The following LNX1 variants were observed in gnomAD, a reference collection of about 807,000 sequenced individuals.
LNX1 encodes the protein ligand of numb-protein X 1.
Under a neutral mutation model 68.4 loss-of-function variants are expected in LNX1, and 54 were observed. The observed-to-expected ratio is 0.79, with a 90% CI of 0.63 to 0.99. The LOEUF (loss-of-function observed/expected upper bound fraction) is 0.99, where lower values mean the gene tolerates loss of function less well. LNX1 is among the 50% of genes least tolerant of loss of function. LNX1 has a pLI of 0.00. For synonymous variants in LNX1, 336 were observed against 350.0 expected (o/e 0.96, Z 0.45); for missense variants, 906 against 926.4 (o/e 0.98, Z 0.29).
At chr4:53,518,597 T>C (rs1368989453) in intron 2 of LNX1, among the ~76,000 whole-genome samples, 1 of 152,090 alleles carries the variant, frequency 6.6e-6, no homozygotes, top group African/African-American at 2.4e-5. Flanking sequence ...CCTCATATCA[T>C]CCCTATGAGG....
At chr4:53,489,174 A>G (rs1345072178) in intron 6 of LNX1, among the ~76,000 whole-genome samples, 1 of 152,194 alleles carries the variant, frequency 6.6e-6, no homozygotes, top group Non-Finnish European at 1.5e-5. Flanking sequence ...AGCTCCTTCA[A>G]TGAGCTAAAA....
intron 1 of LNX1, among the ~76,000 whole-genome samples, chr4:53,581,996 A>G (rs772788278): frequency 3.0e-4 from 45 of 152,000 alleles, no homozygotes; most frequent in African/African-American, 9.2e-4. Context: ...TCACATTAGG[A>G]TTACTGAATT....
chr4:53,568,286 A>G (rs1376572533), intron 2 of LNX1, among the ~76,000 whole-genome samples: 1 of 151,604 alleles, frequency 6.6e-6, no homozygotes, highest in African/African-American at 2.4e-5. Context: ...CACATCAAAA[A>G]GCTTATCCAC....
chr4:53,570,661 TAATAATAAATA>T (rs976590286), intron 2 of LNX1, among the ~76,000 whole-genome samples: 2 of 99,074 alleles, frequency 2.0e-5, no homozygotes, highest in African/African-American at 7.6e-5. Context: ...ACTTAAAGTA[TAATAATAAATA>T]AATAAATAAA....
chr4:53,570,647 T>G (rs1731084792), intron 2 of LNX1, among the ~76,000 whole-genome samples: 2 of 145,538 alleles, frequency 1.4e-5, no homozygotes, highest in Admixed American at 7.0e-5. Context: ...ACATGTACCC[T>G]AAAACTTAAA....
chr4:53,631,411 T>A (rs1254644263), intron 1 of LNX1, among the ~76,000 whole-genome samples: 9 of 152,202 alleles, frequency 5.9e-5, no homozygotes, highest in Non-Finnish European at 1.3e-4. Flanking sequence ...CCTGAAAATC[T>A]AGTTCCACTT....
Position 53,481,776 on chromosome 4 carries a change from A to T in LNX1, c.1429T>A (p.Trp477Arg), listed in dbSNP as rs1415333973. 21 of 1,613,800 alleles carry T rather than the reference A, an allele frequency of 1.3e-5. No homozygotes were observed. The highest frequency in any genetic ancestry group is 1.8e-5 in the Non-Finnish European group (21 of 1,179,910). The change falls in exon 7 of 11, where the codon TGG becomes AGG. Residue 477 changes from tryptophan (W) to arginine (R), a missense_variant. Trp to Arg is a moderately radical substitution (Grantham distance 101). Coordinates refer to ENST00000263925, the MANE Select transcript of LNX1 (RefSeq NM_001126328.3). ...RSPDIFQEAG[W>R]NSNGSWSPGP... ...GGGGACCAGCTGCCATTGCTGTTCC[A>T]GCCGGCTTCCTGAAAGATGTCAGGG...
chr4:53,622,085 G>T (rs1028413253), upstream of LNX1, among the ~76,000 whole-genome samples: 1 of 152,090 alleles, frequency 6.6e-6, no homozygotes, highest in Admixed American at 6.5e-5. Flanking sequence ...ATTTTTTATA[G>T]GCAAGTTACA....
intron 1 of LNX1, among the ~76,000 whole-genome samples, chr4:53,647,511 A>G (rs1214454530): frequency 6.6e-6 from 1 of 152,018 alleles, no homozygotes; most frequent in African/African-American, 2.4e-5. Flanking sequence ...GTATATATTT[A>G]TTTTCTCAGA....
intron 2 of LNX1, among the ~76,000 whole-genome samples, chr4:53,562,946 C>T (rs1179772957): frequency 1.3e-5 from 2 of 152,212 alleles, no homozygotes; most frequent in Admixed American, 6.5e-5. Context: ...CACAATGGCT[C>T]AAGCCCGTAA....
At chr4:53,637,553 A>G (rs560972392) in intron 1 of LNX1, among the ~76,000 whole-genome samples, 1 of 152,268 alleles carries the variant, frequency 6.6e-6, no homozygotes, top group African/African-American at 2.4e-5. Flanking sequence ...AAGTTGTAGC[A>G]TTGCTCAATC....
chr4:53,507,994 C>T lies in LNX1; in HGVS notation c.614G>A (p.Arg205Gln), dbSNP rs201126543. The T allele has an allele frequency of 6.2e-6, 10 of 1,613,290 alleles. No individual in the cohort carries two copies. In the Admixed American group the frequency reaches 1.5e-4, roughly 24 times the overall value. Reference protein sequence around the residue: ...ISPVDSGRSNRTRARPFERST... With the variant: ...ISPVDSGRSNQTRARPFERST... ...CCACCCATTTGACTCACCCCTAGTT[C>T]GGTTGCTCCGGCCAGAGTCCACTGG... The change falls in exon 3 of 11, where the codon CGA (arginine) becomes CAA (glutamine). Residue 205 changes from arginine (R) to glutamine (Q), a missense_variant. Coordinates refer to ENST00000263925, the MANE Select transcript of LNX1 (RefSeq NM_001126328.3).
chr4:53,532,786 G>A (rs1272951004), intron 2 of LNX1, among the ~76,000 whole-genome samples: 1 of 152,210 alleles, frequency 6.6e-6, no homozygotes, highest in African/African-American at 2.4e-5. Flanking sequence ...TGGGGCAGCA[G>A]GGCGATGGGT....
chr4:53,651,876 A>C (rs1735111041), intron 1 of LNX1, among the ~76,000 whole-genome samples: 1 of 152,204 alleles, frequency 6.6e-6, no homozygotes, highest in Non-Finnish European at 1.5e-5. Context: ...TTCATTTGTG[A>C]AAGTAAAGAA....
At chr4:53,585,393 G>T (rs577378947) in intron 1 of LNX1, among the ~76,000 whole-genome samples, 35 of 152,264 alleles carry the variant, frequency 2.3e-4, no homozygotes, top group African/African-American at 8.4e-4. Flanking sequence ...TCCATAAGTA[G>T]TTGGAAGAGC....
intron 6 of LNX1, among the ~76,000 whole-genome samples, chr4:53,492,423 A>G (rs945660069): frequency 9.2e-5 from 14 of 151,502 alleles, no homozygotes; most frequent in African/African-American, 3.2e-4. Context: ...GAGAGAGAAC[A>G]GGCCACAAGA....
chr4:53,568,301 A>G (rs1219276388), intron 2 of LNX1, among the ~76,000 whole-genome samples: 9 of 151,592 alleles, frequency 5.9e-5, no homozygotes, highest in Non-Finnish European at 1.2e-4. Context: ...ATCCACCATG[A>G]TCAAGTGGGC....
chr4:53,597,294 C>T (rs1225585720), intron 2 of LNX1, among the ~76,000 whole-genome samples: 1 of 152,216 alleles, frequency 6.6e-6, no homozygotes, highest in African/African-American at 2.4e-5. Context: ...CATTCACCCT[C>T]AGCTCCTTTG....
chr4:53,556,656 A>G (rs1396104860), intron 2 of LNX1, among the ~76,000 whole-genome samples: 2 of 152,236 alleles, frequency 1.3e-5, no homozygotes, highest in Non-Finnish European at 2.9e-5. Context: ...GATTTAAGCT[A>G]GACACTTTCT....
Sources: gnomAD v4.1 joint callset for allele counts (sites outside exome capture counted in the v4.1 genomes callset) on GRCh38, gnomAD v4.1.1 for gene constraint, MANE v1.5 for transcripts, NCBI Gene and HGNC (gene_info 2026-07-23, HGNC 2026-07-21) for gene names.